Variants in TLK2 observed in about 807,000 individuals in gnomAD.
The protein encoded by TLK2 is serine/threonine-protein kinase tousled-like 2.
Under a neutral mutation model 117.3 loss-of-function variants are expected in TLK2, and 6 were observed. The ratio of observed to expected loss-of-function variants is 0.05; its 90% CI spans 0.03 to 0.10. The LOEUF (loss-of-function observed/expected upper bound fraction) is 0.10. Among genes scored for constraint, TLK2 ranks in the 10% least tolerant of loss-of-function variants. The pLI is 1.00. For synonymous variants in TLK2, 257 were observed against 316.7 expected, an observed-to-expected ratio of 0.81 and a Z score of 2.00; for missense variants, 299 against 901.2, an observed-to-expected ratio of 0.33 and a Z score of 8.56.
chr17:62,516,808 GT>G (rs1175300209), intron 2 of TLK2: 3 of 1,249,086 alleles, frequency 2.4e-6, no homozygotes, highest in Non-Finnish European at 3.4e-6. Flanking sequence ...TGGAAAGCTA[GT>G]TTTAGTTCTT....
chr17:62,605,466 A>T (rs2083217686), intron 19 of TLK2, among the ~76,000 whole-genome samples: 1 of 151,980 alleles, frequency 6.6e-6, no homozygotes, highest in African/African-American at 2.4e-5. Flanking sequence ...AACCTCCCCC[A>T]GGCTCCGGTG....
rs569246533 is a variant in TLK2 at position 62,613,040 on chromosome 17, C to T, written c.*475C>T. On this transcript the variant is annotated 3_prime_UTR_variant, in exon 22 of 22. Transcript: ENST00000346027. Reference sequence around the variant, plus strand: ...CTGAAAAGCTTGTAGCACAAAGGCTCAGCTGGGGATGGTGTTTGACTTCGG... The same window carrying T: ...CTGAAAAGCTTGTAGCACAAAGGCTTAGCTGGGGATGGTGTTTGACTTCGG... 5 of 152,776 alleles carry T rather than the reference C, an allele frequency of 3.3e-5. No homozygotes were observed. Among genetic ancestry groups the T allele is most frequent in the Admixed American group, 1.3e-4 (2 of 15,304 alleles). 9.5% of individuals were successfully genotyped at this position (152,776 alleles called of 1,614,324 possible).
At chr17:62,607,660 G>C (rs778152350) in intron 20 of TLK2, among the ~76,000 whole-genome samples, 2 of 151,776 alleles carry the variant, frequency 1.3e-5, no homozygotes, top group Non-Finnish European at 2.9e-5. Context: ...TCTGTTTTTT[G>C]AGTTGGCCTG....
In TLK2 at chr17:62,602,157, A is replaced by G. The variant is rs767032124; in HGVS notation, c.1836A>G (p.Thr612=). Residue 612 remains threonine, a synonymous_variant, in exon 19 of 22, where the codon ACA becomes ACG. Transcript: ENST00000346027. ...ATTCAGTGGATGGCATGGAGCTAAC[A>G]TCACAAGGTGCTGGTACTTATTGGT... ...SYNSVDGMEL[T]SQGAGTYWYL... is the part of the protein sequence containing the mutation. 6.2e-6 allele frequency: 10 copies of G among 1,613,882 alleles called. No individual in the cohort carries two copies. Among genetic ancestry groups the G allele is most frequent in the Non-Finnish European group, 8.5e-6 (10 of 1,179,800 alleles).
chr17:62,504,875 A>G (rs2319044), intron 2 of TLK2, among the ~76,000 whole-genome samples: 1 of 151,994 alleles, frequency 6.6e-6, no homozygotes, highest in Admixed American at 6.6e-5. Flanking sequence ...TTACTTTGAG[A>G]CTGAGTCTCA....
chr17:62,528,425 G>T (rs2465434), intron 6 of TLK2, among the ~76,000 whole-genome samples: 142,241 of 152,178 alleles, frequency 0.93, 67,232 homozygotes, highest in East Asian at 1. Context: ...TTTAATTTAT[G>T]TTATTTTTGG....
rs2077515319 is a variant in TLK2, at chr17:62,541,283, C to G, written c.531+4946C>G. ...TGACTTCCCCCCACTGGAATGTAAGCTCCATCAGGTCAAGGACTTTGCTTT... is the reference window on the plus strand; with the variant it reads ...TGACTTCCCCCCACTGGAATGTAAGGTCCATCAGGTCAAGGACTTTGCTTT... On this transcript the variant is annotated intron_variant, in intron 7 of 21. Coordinates refer to ENST00000346027, the MANE Select transcript of TLK2 (RefSeq NM_006852.6). Among the ~76,000 whole-genome samples the G allele has an allele frequency of 2.0e-5, 3 of 152,184 alleles. No individual in the cohort carries two copies. In the South Asian group the frequency reaches 6.2e-4, roughly 32 times the overall value.
At position 62,611,691 on chromosome 17, in the gene TLK2, A is replaced by C. The variant is rs117101701; in HGVS notation, c.2080-701A>C. The stretch of plus-strand genomic sequence containing the variant: ...GTTATATTGAAACTGATTAAACAGA[A>C]CTAGCTAAAAAATAGGAAGAAAGCA... On this transcript the variant is annotated intron_variant, in intron 21 of 21. Coordinates refer to ENST00000346027, the MANE Select transcript of TLK2 (RefSeq NM_006852.6). Among the ~76,000 whole-genome samples, 140 of 152,360 alleles carry C rather than the reference A, an allele frequency of 9.2e-4. 2 individuals are homozygous for C. The East Asian group carries it at 0.023, about 25-fold the overall frequency.
chr17:62,540,833 T>A (rs2077475482), intron 7 of TLK2, among the ~76,000 whole-genome samples: 1 of 152,108 alleles, frequency 6.6e-6, no homozygotes, highest in African/African-American at 2.4e-5. Flanking sequence ...CAAAGCAGAG[T>A]GATTGTGTTG....
chr17:62,568,431 C>CAAA (rs57725124), intron 11 of TLK2, among the ~76,000 whole-genome samples: 10 of 57,350 alleles, frequency 1.7e-4, no homozygotes, highest in South Asian at 5.2e-4. Flanking sequence ...GACCCTGTCT[C>CAAA]AAAAAAAAAA....
At position 62,607,145 on chromosome 17, in the gene TLK2, A is replaced by C. The variant is rs538483580; in HGVS notation, c.1972-896A>C. Among the ~76,000 whole-genome samples the C allele has an allele frequency of 2.0e-5, 3 of 152,112 alleles. No homozygotes were observed. The East Asian group carries it at 5.8e-4, about 29-fold the overall frequency. ...ATAACAGCAGTAGAAATTATCTAGA[A>C]ATAACTGTTTGAGAGAGATCTCAGT... On this transcript the variant is annotated intron_variant, in intron 20 of 21. Transcript: ENST00000346027.
intron 16 of TLK2, among the ~76,000 whole-genome samples, chr17:62,588,503 G>T (rs1386704862): frequency 6.6e-6 from 1 of 152,180 alleles, no homozygotes; most frequent in East Asian, 1.9e-4. Context: ...TGGCATTGGT[G>T]CCTTTCTACT....
At chr17:62,573,427 T>C in intron 12 of TLK2, 60 bp downstream of exon 12, 1 of 1,584,232 alleles carries the variant, frequency 6.3e-7, no homozygotes, top group East Asian at 2.3e-5. Flanking sequence ...ATACAAATGT[T>C]GATTGTCACC....
At chr17:62,530,201 G>A (rs2076648648) in intron 6 of TLK2, among the ~76,000 whole-genome samples, 1 of 151,200 alleles carries the variant, frequency 6.6e-6, no homozygotes, top group Non-Finnish European at 1.5e-5. Context: ...TTGAACCCGG[G>A]AGGCAGAGGT....
chr17:62,535,502 C>T (rs867971826), intron 6 of TLK2, among the ~76,000 whole-genome samples: 3 of 152,080 alleles, frequency 2.0e-5, no homozygotes, highest in Admixed American at 6.6e-5. Flanking sequence ...CACGGTGGCT[C>T]ATGCCTGTAA....
chr17:62,612,278 C>T, intron 21 of TLK2, 114 bp from the exon 22 acceptor site: 1 of 1,193,708 alleles, frequency 8.4e-7, no homozygotes. Flanking sequence ...CCTTAAGCCC[C>T]TTCTCTTTAG....
At chr17:62,501,850 C>T (rs1206800968) in intron 2 of TLK2, among the ~76,000 whole-genome samples, 11 of 151,822 alleles carry the variant, frequency 7.2e-5, no homozygotes, top group Non-Finnish European at 1.5e-4. Flanking sequence ...GCCTGTGGTC[C>T]CAGCTACTTG....
intron 3 of TLK2, among the ~76,000 whole-genome samples, 172 bp from the exon 4 acceptor site, chr17:62,522,032 T>C (rs1439642446): frequency 2.0e-5 from 3 of 152,218 alleles, no homozygotes; most frequent in African/African-American, 7.2e-5. Context: ...GGTTTGGTTC[T>C]AGACCCTAAT....
intron 5 of TLK2, among the ~76,000 whole-genome samples, chr17:62,524,022 A>G (rs897362329): frequency 2.0e-5 from 3 of 151,806 alleles, no homozygotes; most frequent in African/African-American, 7.3e-5. Flanking sequence ...TGTTTTCTTT[A>G]TATCTTGGTA....
Sources: gnomAD v4.1 joint callset for allele counts (sites outside exome capture counted in the v4.1 genomes callset) on GRCh38, gnomAD v4.1.1 for gene constraint, MANE v1.5 for transcripts, NCBI Gene and HGNC (gene_info 2026-07-23, HGNC 2026-07-21) for gene names.